Variants in C5orf34 observed in about 807,000 individuals in gnomAD.
C5orf34 encodes the protein chromosome 5 open reading frame 34.
In C5orf34, 73 loss-of-function variants were observed where a neutral mutation model predicts 78.4. That is an observed-to-expected ratio of 0.93 (90% CI 0.77 to 1.13). C5orf34 has a LOEUF of 1.13. Ranked by LOEUF, C5orf34 falls within the 50% of genes most tolerant of loss-of-function variation. The pLI is 0.00. For synonymous variants in C5orf34, 251 were observed against 246.6 expected (o/e 1.02, Z -0.17); for missense variants, 730 against 732.7 (o/e 1.00, Z 0.04).
chr5:43,496,603 TTTG>T (rs1745541365), intron 6 of C5orf34: 1 of 460,846 alleles, frequency 2.2e-6, no homozygotes, highest in Non-Finnish European at 3.5e-6. Flanking sequence ...TTTTTTTTTT[TTTG>T]GAGACAGGGT....
At chr5:43,503,810 G>T in intron 4 of C5orf34, 50 bp from the exon 5 acceptor site, 1 of 1,188,638 alleles carries the variant, frequency 8.4e-7, no homozygotes, top group Non-Finnish European at 1.3e-6. Context: ...CAATATAATT[G>T]TCTTTAGAAG....
At chr5:43,511,518 G>C (rs1237670127) in intron 1 of C5orf34, among the ~76,000 whole-genome samples, 1 of 150,340 alleles carries the variant, frequency 6.7e-6, no homozygotes, top group Admixed American at 6.6e-5. Flanking sequence ...CCGCCACCCC[G>C]TCTGGGAGGT....
At chr5:43,489,548 G>A (rs1401382833) in intron 11 of C5orf34, among the ~76,000 whole-genome samples, 1 of 152,138 alleles carries the variant, frequency 6.6e-6, no homozygotes, top group Non-Finnish European at 1.5e-5. Context: ...CAATGGTGAA[G>A]TGATGGTTTT....
At chr5:43,492,366 C>T (rs1049058593) in intron 9 of C5orf34, 57 bp from the exon 10 acceptor site, 6 of 1,102,162 alleles carry the variant, frequency 5.4e-6, no homozygotes, top group Non-Finnish European at 8.2e-6. Flanking sequence ...AGAACATAAA[C>T]AACCTATTCT....
rs914390302 is a variant in C5orf34 at position 43,514,889 on chromosome 5, A to T, written c.-120T>A. 1 of 152,188 alleles carries T rather than the reference A, an allele frequency of 6.6e-6. No homozygotes were observed. The highest frequency in any genetic ancestry group is 2.1e-4 in the South Asian group (1 of 4,822). 9.4% of individuals were successfully genotyped at this position (152,188 alleles called of 1,614,324 possible). A position where few individuals can be genotyped will look rare whatever the true frequency, so the allele number is the denominator to read the frequency against. On this transcript the variant is annotated 5_prime_UTR_variant, in exon 1 of 13. Coordinates refer to ENST00000306862, the MANE Select transcript of C5orf34 (RefSeq NM_198566.4). The stretch of plus-strand genomic sequence containing the variant: ...TTTGCCAAAATGCTCTGGAAGCCGC[A>T]GCGTCGGCGCCTGCCCACCACTGCT...
chr5:43,493,121 T>G (rs1307366880), intron 8 of C5orf34, among the ~76,000 whole-genome samples: 1 of 151,352 alleles, frequency 6.6e-6, no homozygotes, highest in Non-Finnish European at 1.5e-5. Flanking sequence ...TTTACATCCA[T>G]TATAGACAAA....
At chr5:43,505,606 G>A (rs1745945450) in intron 4 of C5orf34, 142 bp downstream of exon 4, 1 of 726,520 alleles carries the variant, frequency 1.4e-6, no homozygotes, top group Non-Finnish European at 2.2e-6. Context: ...ATTTGCTAGG[G>A]AAATTATTTA....
chr5:43,495,255 C>G, intron 6 of C5orf34: 1 of 1,606,732 alleles, frequency 6.2e-7, no homozygotes. Flanking sequence ...ACCATATCAA[C>G]AATGGCAGCA....
intron 11 of C5orf34, among the ~76,000 whole-genome samples, chr5:43,489,093 A>G (rs1179400119): frequency 2.0e-5 from 3 of 151,986 alleles, no homozygotes; most frequent in Non-Finnish European, 4.4e-5. Context: ...TCATTATTGC[A>G]AAATATCTTT....
chr5:43,496,593 T>A, intron 6 of C5orf34: 1 of 573,718 alleles, frequency 1.7e-6, no homozygotes, highest in Non-Finnish European at 2.7e-6. Context: ...TTTTTTTTTT[T>A]TTTTTTTTTT....
At chr5:43,505,436 T>C (rs78107058) in intron 4 of C5orf34, 9 of 252,536 alleles carry the variant, frequency 3.6e-5, no homozygotes, top group Non-Finnish European at 6.0e-5. Flanking sequence ...ACTTTAATAA[T>C]CTTTTTAGGT....
chr5:43,510,236 G>C (rs574339398), intron 1 of C5orf34, among the ~76,000 whole-genome samples: 10 of 152,070 alleles, frequency 6.6e-5, no homozygotes, highest in Non-Finnish European at 1.2e-4. Flanking sequence ...CCAAATACCT[G>C]GAATCCTGTC....
At chr5:43,492,511 C>A (rs1209159782) in intron 9 of C5orf34, among the ~76,000 whole-genome samples, 1 of 152,178 alleles carries the variant, frequency 6.6e-6, no homozygotes, top group Non-Finnish European at 1.5e-5. Context: ...AAATACTAAT[C>A]CCTTTCTCTA....
At chr5:43,512,563 C>T (rs1746314689) in intron 1 of C5orf34, among the ~76,000 whole-genome samples, 2 of 152,164 alleles carry the variant, frequency 1.3e-5, no homozygotes, top group South Asian at 4.1e-4. Flanking sequence ...CATTCCCTTG[C>T]ACCAAACTCT....
intron 7 of C5orf34, among the ~76,000 whole-genome samples, 190 bp downstream of exon 7, chr5:43,494,320 G>A (rs764015809): frequency 7.9e-5 from 12 of 152,100 alleles, no homozygotes; most frequent in Non-Finnish European, 1.6e-4. Context: ...AAAGCCAGAA[G>A]TAATCTTAAT....
chr5:43,491,842 A>G (rs1444067861), intron 10 of C5orf34, among the ~76,000 whole-genome samples: 1 of 151,876 alleles, frequency 6.6e-6, no homozygotes, highest in Non-Finnish European at 1.5e-5. Context: ...CATCTCTACT[A>G]AAAATACAAA....
intron 10 of C5orf34, among the ~76,000 whole-genome samples, chr5:43,491,453 T>C (rs930792787): frequency 2.1e-4 from 32 of 152,128 alleles, no homozygotes; most frequent in African/African-American, 7.0e-4. Flanking sequence ...TGTAATAAAT[T>C]AGATAAACCA....
chr5:43,509,400 G>T, intron 1 of C5orf34, 25 bp from the exon 2 acceptor site: 3 of 1,333,288 alleles, frequency 2.3e-6, no homozygotes, highest in East Asian at 2.4e-5. Context: ...AAAAACAACA[G>T]CATAAATAGT....
chr5:43,511,169 C>A, intron 1 of C5orf34: 1 of 175,312 alleles, frequency 5.7e-6, no homozygotes, highest in Non-Finnish European at 1.2e-5. Context: ...GCCTGGCAGC[C>A]GCCCTGTCTG....
Sources: allele counts gnomAD v4.1 joint callset (sites outside exome capture counted in the v4.1 genomes callset), GRCh38; gene constraint gnomAD v4.1.1; transcripts MANE v1.5; gene names NCBI Gene and HGNC (gene_info 2026-07-23, HGNC 2026-07-21).